Variants in CFLAR observed in about 807,000 individuals in gnomAD.
CFLAR encodes CASP8 and FADD like apoptosis regulator, also known as CASP8 and FADD-like apoptosis regulator.
CFLAR carries 14 observed loss-of-function variants against 51.1 expected under a neutral mutation model. The observed-to-expected ratio is 0.27, with a 90% confidence interval of 0.18 to 0.43. The LOEUF is 0.43. Among genes scored for constraint, CFLAR ranks in the 20% least tolerant of loss-of-function variants. CFLAR has a pLI of 1.00. For synonymous variants in CFLAR, 210 were observed against 211.6 expected, an observed-to-expected ratio of 0.99 and a Z score of 0.06; for missense variants, 390 against 566.5, an observed-to-expected ratio of 0.69 and a Z score of 3.16.
chr2:201,136,679 G>A (rs1332653239), intron 4 of CFLAR: 5 of 949,478 alleles, frequency 5.3e-6, no homozygotes, highest in African/African-American at 5.0e-5. Context: ...TGCCACCATA[G>A]CATCACAGCC....
chr2:201,132,455 A>ATATATATATATATATATATATATG (rs2125685129), intron 2 of CFLAR, among the ~76,000 whole-genome samples: 1 of 150,064 alleles, frequency 6.7e-6, no homozygotes, highest in African/African-American at 2.5e-5. Flanking sequence ...ATATATATAT[A>ATATATATATATATATATATATATG]GTGTTAGCTC....
rs2125813023 is a variant in CFLAR, at chr2:201,144,545, T to G, written c.607-833T>G. Among the ~76,000 whole-genome samples, 3 of 152,374 alleles carry G rather than the reference T, an allele frequency of 2.0e-5. No homozygotes were observed. In the Middle Eastern group the frequency reaches 0.01, roughly 518 times the overall value. ...TACAAAATCTGTAAGGTATCTATTA[T>G]TATCCTCATTTAGCATATGAAGAAA... On this transcript the variant is annotated intron_variant, in intron 5 of 9. Transcript: ENST00000309955.
rs1418892596 is a variant in CFLAR at position 201,124,509 on chromosome 2, A to G, written c.-137-5220A>G. Among the ~76,000 whole-genome samples the G allele has an allele frequency of 2.6e-5, 4 of 152,002 alleles. No homozygotes were observed. The highest frequency in any genetic ancestry group is 2.1e-4 in the South Asian group (1 of 4,820). On this transcript the variant is annotated intron_variant, in intron 1 of 9. Transcript: ENST00000309955. The surrounding 1 kb of genome is among the most constrained non-coding windows in gnomAD (Gnocchi z 4.7). ...AGCACCACGGCCAGCTAGTTTTTGTATTTTTAGTAGAGACAGGGTTTTGCC... is the reference window on the plus strand; with the variant it reads ...AGCACCACGGCCAGCTAGTTTTTGTGTTTTTAGTAGAGACAGGGTTTTGCC...
At chr2:201,131,695 GTTTT>G (rs952398371) in intron 2 of CFLAR, among the ~76,000 whole-genome samples, 1 of 151,776 alleles carries the variant, frequency 6.6e-6, no homozygotes, top group African/African-American at 2.4e-5. Flanking sequence ...TTTGGTTTTT[GTTTT>G]TTTGTTTGTT....
In CFLAR at chr2:201,138,678, A is replaced by G. The variant is rs1222856154; in HGVS notation, c.524-1679A>G. ...CATCTTGGCCTCCAACACATCACCC[A>G]CAGTGTGCAAGGGGCTCAGCACCAC... is the stretch of plus-strand genomic sequence containing the variant. On this transcript the variant is annotated intron_variant, in intron 4 of 9. Transcript: ENST00000309955. This position sits in a 1 kb window ranked among gnomAD's most constrained non-coding sequence, Gnocchi z 4.0. 1 of 960,124 alleles carries G rather than the reference A, an allele frequency of 1.0e-6. No homozygotes were observed. Among genetic ancestry groups the G allele is most frequent in the Non-Finnish European group, 1.7e-6 (1 of 596,816 alleles). The allele number at this position is 960,124 out of a possible 1,614,324, so 59.5% of individuals were successfully genotyped here. A position where few individuals can be genotyped will look rare whatever the true frequency, so the allele number is the denominator to read the frequency against.
intron 1 of CFLAR, among the ~76,000 whole-genome samples, chr2:201,123,337 A>G (rs187461344): frequency 2.6e-5 from 4 of 152,342 alleles, no homozygotes; most frequent in Non-Finnish European, 5.9e-5. Context: ...ACCCACAACC[A>G]GGTAATTTAT....
At position 201,138,107 on chromosome 2, in the gene CFLAR, T is replaced by C. The variant is rs1006768813; in HGVS notation, c.523+2000T>C. The C allele has an allele frequency of 4.0e-5, 30 of 758,666 alleles. No homozygotes were observed. Among genetic ancestry groups the C allele is most frequent in the African/African-American group, 2.7e-4 (16 of 58,738 alleles). 47.0% of individuals were successfully genotyped at this position (758,666 alleles called of 1,614,324 possible). A position where few individuals can be genotyped will look rare whatever the true frequency, so the allele number is the denominator to read the frequency against. On this transcript the variant is annotated intron_variant, in intron 4 of 9. Transcript: ENST00000309955. This position sits in a 1 kb window ranked among gnomAD's most constrained non-coding sequence, Gnocchi z 4.0. Reference sequence around the variant, plus strand: ...GCAGTCCATGCCCCTGCCCAGCCCATCCACACCAGCGTCAATCAGGTTGTT... The same window carrying C: ...GCAGTCCATGCCCCTGCCCAGCCCACCCACACCAGCGTCAATCAGGTTGTT...
Position 201,176,574 on chromosome 2 carries a change from CA to C in CFLAR, c.*12602del, listed in dbSNP as rs1438993579. On this transcript the variant is annotated 3_prime_UTR_variant, in exon 10 of 10. Coordinates refer to ENST00000309955, the MANE Select transcript of CFLAR (RefSeq NM_003879.7). ...TCTGAAAAATTATGTCAAATACTAG[CA>C]GTTTCTCACTGTTTTTTGCCCTAGA... 1.3e-5 allele frequency: 2 copies of C among 152,080 alleles called. No homozygotes were observed. The highest frequency in any genetic ancestry group is 2.9e-5 in the Non-Finnish European group (2 of 68,038). 9.4% of individuals were successfully genotyped at this position (152,080 alleles called of 1,614,324 possible).
intron 2 of CFLAR, among the ~76,000 whole-genome samples, chr2:201,131,793 C>T (rs1254946211): frequency 6.6e-6 from 1 of 152,084 alleles, no homozygotes; most frequent in Non-Finnish European, 1.5e-5. Context: ...GCTGGAAGAC[C>T]TGTTTCAAGC....
In CFLAR at chr2:201,164,890, T is replaced by A. The variant is rs1210967241; in HGVS notation, c.*917T>A. ...GTGTCTGGTAAGGCATGCTTCCAGA[T>A]CTTACCAGATGTCAGTCTTTTGATG... On this transcript the variant is annotated 3_prime_UTR_variant, in exon 10 of 10. Transcript: ENST00000309955. 1 of 152,150 alleles carries A rather than the reference T, an allele frequency of 6.6e-6. No individual in the cohort carries two copies. The highest frequency in any genetic ancestry group is 2.4e-5 in the African/African-American group (1 of 41,436). The allele number at this position is 152,150 out of a possible 1,614,324, so 9.4% of individuals were successfully genotyped here. A position where few individuals can be genotyped will look rare whatever the true frequency, so the allele number is the denominator to read the frequency against.
chr2:201,163,041 T>C, intron 9 of CFLAR: 2 of 758,054 alleles, frequency 2.6e-6, no homozygotes, highest in Admixed American at 1.7e-5. Flanking sequence ...AGGACATGCA[T>C]TTTTCAAGCC....
chr2:201,163,564 C>T lies in CFLAR; in HGVS notation c.1305-271C>T. 4.1e-6 allele frequency: 5 copies of T among 1,227,786 alleles called. No individual in the cohort carries two copies. The South Asian group carries it at 1.1e-4, about 26-fold the overall frequency. The allele number at this position is 1,227,786 out of a possible 1,614,324, so 76.1% of individuals were successfully genotyped here. On this transcript the variant is annotated intron_variant, in intron 9 of 9. Transcript: ENST00000309955. Reference sequence around the variant, plus strand: ...CGGTGGTATTACTGGCCTTTTGAGCCCATCCCCATTTGCATAGATGATCCA... The same window carrying T: ...CGGTGGTATTACTGGCCTTTTGAGCTCATCCCCATTTGCATAGATGATCCA...
In CFLAR at chr2:201,123,618, T is replaced by G. The variant is rs559300477; in HGVS notation, c.-137-6111T>G. Among the ~76,000 whole-genome samples, 40 of 152,332 alleles carry G rather than the reference T, an allele frequency of 2.6e-4. No individual in the cohort carries two copies. The South Asian group carries it at 4.1e-3, about 16-fold the overall frequency. Reference sequence around the variant, plus strand: ...ATCACCTCTTAAAGGCCCCACTTCTTAATCCTATCATATTGGCAATACCTG... The same window carrying G: ...ATCACCTCTTAAAGGCCCCACTTCTGAATCCTATCATATTGGCAATACCTG... On this transcript the variant is annotated intron_variant, in intron 1 of 9. Transcript: ENST00000309955.
Position 201,129,822 on chromosome 2 carries a change from C to G in CFLAR, c.-44C>G. The G allele has an allele frequency of 6.3e-7, 1 of 1,590,850 alleles. No homozygotes were observed. On this transcript the variant is annotated 5_prime_UTR_variant, in exon 2 of 10. Coordinates refer to ENST00000309955, the MANE Select transcript of CFLAR (RefSeq NM_003879.7). ...TGGCTTTCTGTTGACTGGCCCGGAGCTGTACTGCAAGACCCTTGTGAGCTT... is the reference window on the plus strand; with the variant it reads ...TGGCTTTCTGTTGACTGGCCCGGAGGTGTACTGCAAGACCCTTGTGAGCTT...
At chr2:201,145,706 G>A in intron 6 of CFLAR, 1 of 354,914 alleles carries the variant, frequency 2.8e-6, no homozygotes, top group African/African-American at 2.1e-5. Flanking sequence ...ATGGAATGGA[G>A]CTCTAATCAG....
In CFLAR at chr2:201,173,669, G is replaced by GTTATTTTATTTTATT. The variant is rs371229929; in HGVS notation, c.*9699_*9713dup. ...AAGTCCTTTCTCATTTTAAAACTGCGTTATTTTATTTTATTTTTCTGAGAT... is the reference window on the plus strand; with the variant it reads ...AAGTCCTTTCTCATTTTAAAACTGCGTTATTTTATTTTATTTTATTTTATTTTATTTTTCTGAGAT... On this transcript the variant is annotated 3_prime_UTR_variant, in exon 10 of 10. Coordinates refer to ENST00000309955, the MANE Select transcript of CFLAR (RefSeq NM_003879.7). 5.3e-5 allele frequency: 8 copies of GTTATTTTATTTTATT among 150,936 alleles called. No individual in the cohort carries two copies. Among genetic ancestry groups the GTTATTTTATTTTATT allele is most frequent in the African/African-American group, 2.0e-4 (8 of 40,834 alleles). 9.3% of individuals were successfully genotyped at this position (150,936 alleles called of 1,614,324 possible).
rs1393181092 is a variant in CFLAR at position 201,169,989 on chromosome 2, C to G, written c.*6016C>G. On this transcript the variant is annotated 3_prime_UTR_variant, in exon 10 of 10. Coordinates refer to ENST00000309955, the MANE Select transcript of CFLAR (RefSeq NM_003879.7). ...GCGAGGCTGTGGAGAAGTAGGAACA[C>G]TTTTACATTGTTGGTGGGAATGTAA... 6.6e-6 allele frequency: 1 copy of G among 152,188 alleles called. No individual in the cohort carries two copies. The highest frequency in any genetic ancestry group is 2.4e-5 in the African/African-American group (1 of 41,450). The allele number at this position is 152,188 out of a possible 1,614,324, so 9.4% of individuals were successfully genotyped here.
intron 7 of CFLAR, chr2:201,149,301 C>A (rs546000253): frequency 2.5e-6 from 1 of 406,302 alleles, no homozygotes; most frequent in South Asian, 3.0e-5. Context: ...TCAGTGACTG[C>A]TGAACATATT....
chr2:201,121,517 A>T (rs917387843), intron 1 of CFLAR, among the ~76,000 whole-genome samples: 1 of 152,184 alleles, frequency 6.6e-6, no homozygotes, highest in Non-Finnish European at 1.5e-5. Context: ...CAAGTGGGGA[A>T]TTTTTATTTT....
Sources: gnomAD v4.1 joint callset for allele counts (sites outside exome capture counted in the v4.1 genomes callset) on GRCh38, gnomAD v4.1.1 for gene constraint, Gnocchi (gnomAD v3.1) non-coding constraint, MANE v1.5 for transcripts, NCBI Gene and HGNC (gene_info 2026-07-23, HGNC 2026-07-21) for gene names.